The following TTC29 variants were observed in gnomAD, a reference collection of about 807,000 sequenced individuals.
TTC29 encodes tetratricopeptide repeat protein 29.
TTC29 carries 49 observed loss-of-function variants against 58.1 expected under a neutral mutation model. The observed-to-expected ratio is 0.84, with a 90% CI of 0.67 to 1.07. The LOEUF (loss-of-function observed/expected upper bound fraction) is 1.07, where lower values mean the gene tolerates loss of function less well. Ranked by LOEUF, TTC29 falls within the 50% of genes least tolerant of loss-of-function variation. The pLI is 0.00. For synonymous variants in TTC29, 209 were observed against 196.8 expected (o/e 1.06, Z -0.52); for missense variants, 582 against 555.6 (o/e 1.05, Z -0.48).
At chr4:146,831,009 A>T (rs1460987348) in intron 9 of TTC29, among the ~76,000 whole-genome samples, 4 of 152,156 alleles carry the variant, frequency 2.6e-5, no homozygotes, top group Non-Finnish European at 5.9e-5. Flanking sequence ...TTTTGCACAG[A>T]TATTGAAATA....
At chr4:146,922,753 C>G (rs1734679167) in intron 4 of TTC29, among the ~76,000 whole-genome samples, 1 of 151,774 alleles carries the variant, frequency 6.6e-6, no homozygotes, top group South Asian at 2.1e-4. Flanking sequence ...TATTAGCCAT[C>G]ATTATCTTTA....
intron 12 of TTC29, 75 bp downstream of exon 12, chr4:146,707,410 T>C: frequency 9.2e-7 from 1 of 1,089,414 alleles, no homozygotes; most frequent in South Asian, 1.4e-5. Flanking sequence ...TTTTTGTGTT[T>C]GGAGAATGAG....
At chr4:146,773,698 CTCTT>C (rs1015789140) in intron 11 of TTC29, among the ~76,000 whole-genome samples, 1 of 151,310 alleles carries the variant, frequency 6.6e-6, no homozygotes, top group South Asian at 2.1e-4. Context: ...CTGAAGTTTT[CTCTT>C]TTTTTGTGTA....
intron 11 of TTC29, among the ~76,000 whole-genome samples, chr4:146,794,134 T>C (rs184757354): frequency 3.0e-4 from 46 of 152,266 alleles, no homozygotes; most frequent in Admixed American, 2.2e-3. Flanking sequence ...CAATTCATCA[T>C]ACAAATCTTC....
chr4:146,798,608 G>A (rs765056223), intron 11 of TTC29, among the ~76,000 whole-genome samples: 3 of 151,882 alleles, frequency 2.0e-5, no homozygotes, highest in African/African-American at 7.3e-5. Flanking sequence ...AATACTGGCC[G>A]GGCTAGGCAT....
At chr4:146,934,056 G>T in intron 4 of TTC29, 1 of 152,452 alleles carries the variant, frequency 6.6e-6, no homozygotes, top group Non-Finnish European at 1.5e-5. Context: ...GGTCAGTAAA[G>T]TCCAGACCAT....
intron 11 of TTC29, among the ~76,000 whole-genome samples, chr4:146,721,870 G>A (rs1417244191): frequency 6.6e-6 from 1 of 151,972 alleles, no homozygotes. Context: ...GTCATAAAAC[G>A]ATCTCTCTTT....
intron 5 of TTC29, among the ~76,000 whole-genome samples, chr4:146,905,237 T>C (rs1225527696): frequency 6.6e-6 from 1 of 151,982 alleles, no homozygotes; most frequent in African/African-American, 2.4e-5. Flanking sequence ...TAATATTTCA[T>C]ATTCTTGGTT....
Position 146,707,503 on chromosome 4 carries a change from C to T in TTC29, c.1379G>A (p.Arg460His), listed in dbSNP as rs368449392. 17 of 1,609,796 alleles carry T rather than the reference C, an allele frequency of 1.1e-5. No individual in the cohort carries two copies. Among genetic ancestry groups the T allele is most frequent in the South Asian group, 5.5e-5 (5 of 90,852 alleles). Residue 460 changes from arginine to histidine, a missense_variant, in exon 12 of 13, where the codon CGT (arginine) becomes CAT (histidine). Physicochemically the swap from Arg to His is conservative, Grantham distance 29 (BLOSUM62 0). Transcript: ENST00000325106. Reference sequence around the variant, plus strand: ...ATCATACCTACTGAGTTCTTCCAAACGTTCTGAGTTTTGAGATACAGCTTC... The same window carrying T: ...ATCATACCTACTGAGTTCTTCCAAATGTTCTGAGTTTTGAGATACAGCTTC... Reference protein sequence around the residue: ...TVEAVSQNSERLEELSRFPGD... With the variant: ...TVEAVSQNSEHLEELSRFPGD...
At position 146,724,010 on chromosome 4, in the gene TTC29, G is replaced by T. The variant is rs180933474; in HGVS notation, c.1331-16459C>A. 1.6e-4 allele frequency among the ~76,000 whole-genome samples: 24 copies of T among 152,280 alleles called. No homozygotes were observed. In the East Asian group the frequency reaches 4.4e-3, roughly 28 times the overall value. On this transcript the variant is annotated intron_variant, in intron 11 of 12. Transcript: ENST00000325106. ...CAATGGTGGACCGAATAAAGAAAAG[G>T]CACACATATACACCATGGAATACTA...
intron 4 of TTC29, among the ~76,000 whole-genome samples, chr4:146,915,322 T>C (rs1734150625): frequency 6.6e-6 from 1 of 152,126 alleles, no homozygotes; most frequent in African/African-American, 2.4e-5. Context: ...TATTTGACAA[T>C]TATGATGCAA....
At chr4:146,742,478 C>A (rs537122818) in intron 11 of TTC29, among the ~76,000 whole-genome samples, 1 of 152,086 alleles carries the variant, frequency 6.6e-6, no homozygotes, top group Non-Finnish European at 1.5e-5. Flanking sequence ...CCAGTAAATA[C>A]GTCTAATAAT....
At chr4:146,733,414 A>T (rs955759101) in intron 11 of TTC29, among the ~76,000 whole-genome samples, 14 of 152,134 alleles carry the variant, frequency 9.2e-5, no homozygotes, top group Non-Finnish European at 1.3e-4. Flanking sequence ...ATCACAATTT[A>T]AAAAATTAAT....
In TTC29 at chr4:146,780,601, T is replaced by C. The variant is rs143500520; in HGVS notation, c.1330+22856A>G. Reference sequence around the variant, plus strand: ...TTCTCTATGATTAAGTGTTCTTCCTTGGGCTAGTTTCAGCTTCTCATATCT... The same window carrying C: ...TTCTCTATGATTAAGTGTTCTTCCTCGGGCTAGTTTCAGCTTCTCATATCT... On this transcript the variant is annotated intron_variant, in intron 11 of 12. Coordinates refer to ENST00000325106, the MANE Select transcript of TTC29 (RefSeq NM_031956.4). 2.6e-3 allele frequency among the ~76,000 whole-genome samples: 390 copies of C among 152,072 alleles called. 4 individuals are homozygous for C. The highest frequency in any genetic ancestry group is 9.0e-3 in the African/African-American group (375 of 41,510).
intron 8 of TTC29, among the ~76,000 whole-genome samples, chr4:146,842,511 C>T (rs1728912922): frequency 6.6e-6 from 1 of 152,044 alleles, no homozygotes; most frequent in African/African-American, 2.4e-5. Flanking sequence ...TATTTGGATG[C>T]TTTGTTTCCA....
intron 11 of TTC29, among the ~76,000 whole-genome samples, chr4:146,714,252 A>T (rs1355960273): frequency 6.6e-6 from 1 of 152,194 alleles, no homozygotes; most frequent in African/African-American, 2.4e-5. Flanking sequence ...TAGAATTAGG[A>T]ACAAAAACAA....
At chr4:146,732,034 G>C (rs997799889) in intron 11 of TTC29, among the ~76,000 whole-genome samples, 1 of 152,138 alleles carries the variant, frequency 6.6e-6, no homozygotes, top group Non-Finnish European at 1.5e-5. Context: ...GTTTCCAGAA[G>C]TAACAAGTTT....
intron 11 of TTC29, among the ~76,000 whole-genome samples, chr4:146,757,828 C>T (rs1486744562): frequency 1.3e-5 from 2 of 151,900 alleles, no homozygotes; most frequent in Non-Finnish European, 2.9e-5. Flanking sequence ...AATCTTGAAA[C>T]AAATCCTGGA....
chr4:146,753,302 T>C (rs1231578957), intron 11 of TTC29, among the ~76,000 whole-genome samples: 1 of 152,034 alleles, frequency 6.6e-6, no homozygotes, highest in Non-Finnish European at 1.5e-5. Context: ...CATGAAAAAA[T>C]GCTCATCATC....
Sources: gnomAD v4.1 joint callset for allele counts (sites outside exome capture counted in the v4.1 genomes callset) on GRCh38, gnomAD v4.1.1 for gene constraint, MANE v1.5 for transcripts, NCBI Gene and HGNC (gene_info 2026-07-23, HGNC 2026-07-21) for gene names.